Variants in SLC22A16 observed in about 807,000 individuals in gnomAD.
The protein encoded by SLC22A16 is WUGSC:RG331P03.1.
A neutral mutation model predicts 52.9 loss-of-function variants in SLC22A16; 53 were observed. The ratio of observed to expected loss-of-function variants is 1.00; its 90% CI spans 0.80 to 1.26. The LOEUF (loss-of-function observed/expected upper bound fraction) is 1.26. Ranked by LOEUF, SLC22A16 falls within the 50% of genes most tolerant of loss-of-function variation. The pLI is 0.00. For synonymous variants in SLC22A16, 291 were observed against 268.8 expected (o/e 1.08, Z -0.81); for missense variants, 726 against 704.0 (o/e 1.03, Z -0.35).
chr6:110,444,925 G>T (rs1775109931), intron 3 of SLC22A16, among the ~76,000 whole-genome samples: 2 of 152,054 alleles, frequency 1.3e-5, no homozygotes, highest in Admixed American at 6.5e-5. Flanking sequence ...GTCCCTGTCA[G>T]GTTTTTCAAT....
chr6:110,436,821 G>A (rs1774750623), intron 5 of SLC22A16, among the ~76,000 whole-genome samples: 1 of 152,080 alleles, frequency 6.6e-6, no homozygotes, highest in Non-Finnish European at 1.5e-5. Flanking sequence ...CTCCACCTCG[G>A]TTTTTATTCT....
chr6:110,439,167 G>T (rs936738506), intron 4 of SLC22A16, among the ~76,000 whole-genome samples: 1 of 152,180 alleles, frequency 6.6e-6, no homozygotes. Context: ...TTTCACAGCC[G>T]AGAATTATTG....
At chr6:110,458,011 G>A (rs1170992765) in intron 1 of SLC22A16, among the ~76,000 whole-genome samples, 1 of 152,196 alleles carries the variant, frequency 6.6e-6, no homozygotes, top group African/African-American at 2.4e-5. Flanking sequence ...GTGATGCTGT[G>A]CTTCAGTGGT....
chr6:110,467,857 T>C (rs1582589969), intron 1 of SLC22A16, among the ~76,000 whole-genome samples: 1 of 152,260 alleles, frequency 6.6e-6, no homozygotes, highest in African/African-American at 2.4e-5. Context: ...GGGTGTTTTC[T>C]GGTGGCAGTC....
intron 2 of SLC22A16, among the ~76,000 whole-genome samples, chr6:110,453,028 A>G (rs1194316536): frequency 1.3e-5 from 2 of 152,090 alleles, no homozygotes; most frequent in Non-Finnish European, 2.9e-5. Flanking sequence ...GTTATCATCC[A>G]TTTCATGAAT....
chr6:110,442,387 G>C lies in SLC22A16; in HGVS notation c.1040C>G (p.Ser347Ter), dbSNP rs1183870250. The C allele has an allele frequency of 6.2e-7, 1 of 1,614,214 alleles. No individual in the cohort carries two copies. The highest frequency in any genetic ancestry group is 8.5e-7 in the Non-Finnish European group (1 of 1,180,036). Residue 347 changes from serine to a stop codon, truncating the protein, a stop_gained, in exon 4 of 8, where the codon TCA becomes TGA. Transcript: ENST00000368919. LOFTEE classifies it high-confidence loss of function. ...AATGCTCCAGTTATAAAACAGATAT[G>C]ATAGGTTGTGCTTCTGAACTTCAGT... The part of the protein sequence containing the change: ...SPTEVQKHNL[S>*]YLFYNWSITK...
At position 110,442,408 on chromosome 6, in the gene SLC22A16, T is replaced by G. The variant is rs960607580; in HGVS notation, c.1019A>C (p.Glu340Ala). The G allele has an allele frequency of 8.1e-6, 13 of 1,614,118 alleles. No individual in the cohort carries two copies. Among genetic ancestry groups the G allele is most frequent in the Non-Finnish European group, 1.1e-5 (13 of 1,180,044 alleles). The change falls in exon 4 of 8, where the codon GAA becomes GCA. Residue 340 changes from glutamate (E) to alanine (A), a missense_variant. By Grantham distance (107) the Glu-to-Ala change is moderately radical. Transcript: ENST00000368919. ...ATATGATAGGTTGTGCTTCTGAACT[T>G]CAGTGGGGCTATTACTAACAGGACC... is the stretch of plus-strand genomic sequence containing the variant. ...LQGPVSNSPT[E>A]VQKHNLSYLF... is the part of the protein sequence containing the mutation.
At chr6:110,436,066 T>C (rs1774717732) in intron 5 of SLC22A16, 105 bp from the exon 6 acceptor site, 8 of 748,150 alleles carry the variant, frequency 1.1e-5, no homozygotes, top group Non-Finnish European at 1.8e-5. Context: ...TTCAGTATTT[T>C]TTCAGAACAA....
At position 110,442,231 on chromosome 6, in the gene SLC22A16, T is replaced by G. The variant is rs1193413658; in HGVS notation, c.1183+13A>C. The G allele has an allele frequency of 6.2e-7, 1 of 1,609,048 alleles. No homozygotes were observed. Among genetic ancestry groups the G allele is most frequent in the Admixed American group, 1.7e-5 (1 of 59,546 alleles). On this transcript the variant is annotated intron_variant, in intron 4 of 7. Coordinates refer to ENST00000368919, the MANE Select transcript of SLC22A16 (RefSeq NM_033125.4). ...ACTTCACTGCCAAATTTAAATATAC[T>G]GTAACTACTTACCCAGGAGGAAGAG...
chr6:110,455,008 A>G (rs1775591720), intron 2 of SLC22A16, among the ~76,000 whole-genome samples: 1 of 117,832 alleles, frequency 8.5e-6, no homozygotes, highest in Admixed American at 1.3e-4. Context: ...ACATATAATT[A>G]GTGAAATATA....
intron 2 of SLC22A16, among the ~76,000 whole-genome samples, chr6:110,454,685 T>TTATA (rs1385085017): frequency 0.019 from 1,332 of 69,736 alleles, 108 homozygotes; most frequent in African/African-American, 0.095. Flanking sequence ...ATTATATATT[T>TTATA]TATATTATAT....
chr6:110,461,375 G>A (rs1449729424), intron 1 of SLC22A16, among the ~76,000 whole-genome samples: 1 of 152,190 alleles, frequency 6.6e-6, no homozygotes, highest in Non-Finnish European at 1.5e-5. Context: ...AGTGGATCAT[G>A]TTCTTGTCTG....
intron 1 of SLC22A16, among the ~76,000 whole-genome samples, chr6:110,469,396 C>T (rs1776184180): frequency 6.6e-6 from 1 of 152,028 alleles, no homozygotes; most frequent in South Asian, 2.1e-4. Context: ...ACTATAAATA[C>T]AAAAATTAGC....
rs530408257 is a variant in SLC22A16 at position 110,451,168 on chromosome 6, T to C, written c.534-4178A>G. Among the ~76,000 whole-genome samples the C allele has an allele frequency of 5.3e-5, 8 of 152,338 alleles. No homozygotes were observed. In the South Asian group the frequency reaches 1.7e-3, roughly 32 times the overall value. Reference sequence around the variant, plus strand: ...TCTCATTCATTTTCATGTCCACATATCCTACTGTAAGAATATATTTTAATA... The same window carrying C: ...TCTCATTCATTTTCATGTCCACATACCCTACTGTAAGAATATATTTTAATA... On this transcript the variant is annotated intron_variant, in intron 2 of 7. Transcript: ENST00000368919.
At chr6:110,451,144 C>G (rs1414313313) in intron 2 of SLC22A16, among the ~76,000 whole-genome samples, 2 of 152,110 alleles carry the variant, frequency 1.3e-5, no homozygotes, top group East Asian at 3.8e-4. Context: ...GTAGCTGTGT[C>G]TCATTCATTT....
intron 1 of SLC22A16, chr6:110,474,921 G>A: frequency 1.9e-6 from 1 of 518,936 alleles, no homozygotes; most frequent in Non-Finnish European, 3.8e-6. Context: ...TAAGATGTAA[G>A]TACCACCTAC....
chr6:110,469,512 C>T (rs1219804974), intron 1 of SLC22A16, among the ~76,000 whole-genome samples: 1 of 152,204 alleles, frequency 6.6e-6, no homozygotes, highest in South Asian at 2.1e-4. Context: ...CGTGCCACTG[C>T]ACTCTAGCCT....
rs1481905659 is a variant in SLC22A16, at chr6:110,456,937, C to A, written c.134G>T (p.Gly45Val). The A allele has an allele frequency of 2.5e-6, 4 of 1,609,620 alleles. No homozygotes were observed. The highest frequency in any genetic ancestry group is 3.4e-6 in the Non-Finnish European group (4 of 1,177,952). ...GIHYLASVFM[G>V]VTPHHVCRPP... ...CCTGCAGACATGATGAGGGGTGACT[C>A]CCATGAACACAGAAGCCAAGTAGTG... Residue 45 changes from glycine to valine, a missense_variant, in exon 2 of 8, where the codon GGA (glycine) becomes GTA (valine). Coordinates refer to ENST00000368919, the MANE Select transcript of SLC22A16 (RefSeq NM_033125.4).
At chr6:110,439,399 C>T (rs916955154) in intron 4 of SLC22A16, among the ~76,000 whole-genome samples, 6 of 152,138 alleles carry the variant, frequency 3.9e-5, no homozygotes, top group African/African-American at 1.4e-4. Flanking sequence ...TACCATTGGC[C>T]ACTCTGTTCT....
Sources: gnomAD v4.1 joint callset for allele counts (sites outside exome capture counted in the v4.1 genomes callset) on GRCh38, gnomAD v4.1.1 for gene constraint, MANE v1.5 for transcripts, NCBI Gene and HGNC (gene_info 2026-07-23, HGNC 2026-07-21) for gene names.